RNF17: variants seen among roughly 807,000 people sequenced by gnomAD.
The protein encoded by RNF17 is ring finger protein 17, also known as spermatogenesis associated 23.
A neutral mutation model predicts 200.5 loss-of-function variants in RNF17; 31 were observed. The ratio of observed to expected loss-of-function variants is 0.15; its 90% CI spans 0.12 to 0.21. RNF17 has a LOEUF of 0.21. Ranked by LOEUF, RNF17 falls within the 10% of genes least tolerant of loss-of-function variation. The pLI is 1.00. For synonymous variants in RNF17, 606 were observed against 637.8 expected (o/e 0.95, Z 0.75); for missense variants, 1,628 against 1,905.1 (o/e 0.85, Z 2.71).
chr13:24,880,933 T>C (rs1366748417), downstream of RNF17, among the ~76,000 whole-genome samples: 5 of 152,164 alleles, frequency 3.3e-5, no homozygotes, highest in Non-Finnish European at 7.4e-5. Context: ...TGAATATGCA[T>C]TCACTGGTTT....
At chr13:24,878,784 G>A (rs56730860) in intron 34 of RNF17, among the ~76,000 whole-genome samples, 20,647 of 151,624 alleles carry the variant, frequency 0.14, 1,615 homozygotes, top group East Asian at 0.32. Flanking sequence ...AGTCTCCTCT[G>A]AAAACACCCT....
intron 15 of RNF17, among the ~76,000 whole-genome samples, chr13:24,805,606 G>A (rs1023374483): frequency 2.0e-5 from 3 of 152,046 alleles, no homozygotes; most frequent in Admixed American, 1.3e-4. Context: ...TCTATTGATG[G>A]CCATTTGGAT....
At chr13:24,748,753 G>GT in the RNF17 span, among the ~76,000 whole-genome samples, 61,741 of 148,792 alleles carry the variant, frequency 0.41, 13,014 homozygotes, top group Middle Eastern at 0.48. Flanking sequence ...TTTGTTTTTT[G>GT]TTTTTTTTTT....
At chr13:24,767,559 C>G (rs2137881388) in intron 2 of RNF17, among the ~76,000 whole-genome samples, 193 bp downstream of exon 2, 1 of 152,206 alleles carries the variant, frequency 6.6e-6, no homozygotes, top group South Asian at 2.1e-4. Flanking sequence ...ACCACCTTGG[C>G]CAACATGGGG....
intron 31 of RNF17, among the ~76,000 whole-genome samples, chr13:24,870,012 G>A (rs1169322383): frequency 7.1e-6 from 1 of 140,450 alleles, no homozygotes; most frequent in Non-Finnish European, 1.5e-5. Context: ...TGCAATCTCA[G>A]CTCACTGCAA....
chr13:24,779,162 A>G (rs1046986440), intron 4 of RNF17, among the ~76,000 whole-genome samples: 3 of 151,976 alleles, frequency 2.0e-5, no homozygotes, highest in African/African-American at 7.3e-5. Flanking sequence ...GCATCACTGC[A>G]CTCCAGCCTG....
At chr13:24,856,280 C>T (rs1225259844) in intron 25 of RNF17, among the ~76,000 whole-genome samples, 4 of 151,700 alleles carry the variant, frequency 2.6e-5, no homozygotes, top group African/African-American at 4.8e-5. Context: ...ATTAGCTGGG[C>T]GTGGTGGCAG....
intron 16 of RNF17, among the ~76,000 whole-genome samples, chr13:24,827,680 C>A (rs1038751893): frequency 3.8e-5 from 4 of 106,216 alleles, no homozygotes; most frequent in African/African-American, 1.5e-4. Context: ...CCAGCCTGGG[C>A]GACAGAGCGA....
At chr13:24,772,580 A>T (rs1470809604) in intron 2 of RNF17, among the ~76,000 whole-genome samples, 1 of 152,004 alleles carries the variant, frequency 6.6e-6, no homozygotes, top group Non-Finnish European at 1.5e-5. Flanking sequence ...CTCCATTAAA[A>T]AGTGGGCAAA....
At chr13:24,857,120 G>A (rs144869469) in intron 25 of RNF17, among the ~76,000 whole-genome samples, 51 of 152,306 alleles carry the variant, frequency 3.3e-4, no homozygotes, top group Admixed American at 5.9e-4. Flanking sequence ...AGCCTGGCTG[G>A]AAGAATAGAA....
chr13:24,857,542 G>T (rs1892646496), intron 25 of RNF17, among the ~76,000 whole-genome samples: 1 of 152,198 alleles, frequency 6.6e-6, no homozygotes, highest in African/African-American at 2.4e-5. Context: ...GATGCTGGGG[G>T]TGTGGGTGGA....
intron 5 of RNF17, among the ~76,000 whole-genome samples, chr13:24,781,553 T>A (rs1242384303): frequency 3.3e-5 from 5 of 152,186 alleles, no homozygotes; most frequent in Non-Finnish European, 5.9e-5. Flanking sequence ...GGAGGATCCC[T>A]TGAGCCCAGG....
At chr13:24,868,209 G>C (rs532115147) in intron 30 of RNF17, among the ~76,000 whole-genome samples, 1 of 152,104 alleles carries the variant, frequency 6.6e-6, no homozygotes, top group Admixed American at 6.5e-5. Context: ...GGTGGCTCAC[G>C]CCTCTAATCC....
At chr13:24,766,791 T>C (rs1037028259) in intron 1 of RNF17, among the ~76,000 whole-genome samples, 5 of 152,250 alleles carry the variant, frequency 3.3e-5, no homozygotes, top group African/African-American at 1.2e-4. Context: ...CAGAGCACTT[T>C]GTGTAAGATA....
At chr13:24,885,416 A>AT in the RNF17 span, 1 of 1,481,752 alleles carries the variant, frequency 6.7e-7, no homozygotes, top group South Asian at 1.1e-5. Context: ...CAAGCAGCTA[A>AT]AACCTACTCT....
At chr13:24,804,250 G>A (rs1232260884) in intron 14 of RNF17, 38 bp from the exon 15 acceptor site, 1 of 1,589,238 alleles carries the variant, frequency 6.3e-7, no homozygotes, top group East Asian at 2.3e-5. Flanking sequence ...GTGACAGGGT[G>A]AGACCCTGCT....
chr13:24,802,998 A>G (rs3864978), intron 14 of RNF17, among the ~76,000 whole-genome samples: 30,066 of 151,892 alleles, frequency 0.2, 3,245 homozygotes, highest in South Asian at 0.32. Context: ...AGTTCGAGCT[A>G]TGCTCTTGCC....
chr13:24,789,363 C>T lies in RNF17; in HGVS notation c.799C>T (p.Gln267Ter). ...CDLNQIIRTL[Q>*]LTSDSELAQV... ...TAAATTCTAGATTATCCGGACTTTG[C>T]AGTTAACTTCAGATAGTGAATTAGC... The change falls in exon 8 of 36, where the codon CAG becomes TAG. Residue 267 changes from glutamine (Q) to a stop codon, truncating the protein, a stop_gained. Coordinates refer to ENST00000255324, the MANE Select transcript of RNF17 (RefSeq NM_031277.3). LOFTEE classifies it high-confidence loss of function. 1 of 1,596,998 alleles carries T rather than the reference C, an allele frequency of 6.3e-7. No homozygotes were observed. The highest frequency in any genetic ancestry group is 8.6e-7 in the Non-Finnish European group (1 of 1,166,964).
chr13:24,826,084 A>C, intron 16 of RNF17: 1 of 985,128 alleles, frequency 1.0e-6, no homozygotes, highest in Non-Finnish European at 1.2e-6. Context: ...GTCCCATGCT[A>C]TTTTGATTGT....
Sources: allele counts gnomAD v4.1 joint callset (sites outside exome capture counted in the v4.1 genomes callset), GRCh38; gene constraint gnomAD v4.1.1; transcripts MANE v1.5; gene names NCBI Gene and HGNC (gene_info 2026-07-23, HGNC 2026-07-21).